Variants in ALKBH1 observed in about 807,000 individuals in gnomAD.
ALKBH1 encodes alkB homolog 1, histone H2A dioxygenase.
Under a neutral mutation model 36.6 loss-of-function variants are expected in ALKBH1, and 31 were observed. The ratio of observed to expected loss-of-function variants is 0.85; its 90% confidence interval spans 0.64 to 1.14. ALKBH1 has a LOEUF of 1.14. Ranked by LOEUF, ALKBH1 falls within the 50% of genes most tolerant of loss-of-function variation. The pLI, the probability that ALKBH1 is intolerant of heterozygous loss-of-function variation, is 0.00. For missense variants in ALKBH1, 490 were observed against 497.3 expected (o/e 0.99, Z 0.14); for synonymous variants, 183 against 186.6 (o/e 0.98, Z 0.16).
intron 3 of ALKBH1, among the ~76,000 whole-genome samples, chr14:77,690,965 C>T (rs1468989298): frequency 6.6e-6 from 1 of 152,118 alleles, no homozygotes; most frequent in Non-Finnish European, 1.5e-5. Flanking sequence ...CCATGCCCGG[C>T]TAATTTTGTA....
chr14:77,687,964 T>C (rs1364214453), intron 3 of ALKBH1, among the ~76,000 whole-genome samples: 2 of 152,178 alleles, frequency 1.3e-5, no homozygotes, highest in Non-Finnish European at 2.9e-5. Context: ...CTCAGTTCTG[T>C]ATTTCCAAAA....
At chr14:77,674,294 A>C in intron 5 of ALKBH1, 53 bp from the exon 6 acceptor site, 1 of 1,461,074 alleles carries the variant, frequency 6.8e-7, no homozygotes, top group Non-Finnish European at 9.0e-7. Context: ...AATTTTGTTT[A>C]TTAACTATGA....
chr14:77,690,040 A>C (rs1451021350), intron 3 of ALKBH1, among the ~76,000 whole-genome samples: 1 of 152,158 alleles, frequency 6.6e-6, no homozygotes, highest in African/African-American at 2.4e-5. Flanking sequence ...ATAAAGAATG[A>C]GGGGAAGTAG....
intron 3 of ALKBH1, among the ~76,000 whole-genome samples, chr14:77,692,817 TATTTA>T (rs966656327): frequency 6.6e-6 from 1 of 151,790 alleles, no homozygotes; most frequent in African/African-American, 2.4e-5. Flanking sequence ...TTTATTTATT[TATTTA>T]ATTTATTTAT....
intron 2 of ALKBH1, 75 bp downstream of exon 2, chr14:77,704,294 A>G: frequency 9.2e-7 from 1 of 1,088,312 alleles, no homozygotes; most frequent in South Asian, 1.3e-5. Context: ...TTGCTCACAC[A>G]CAGTACCTTC....
chr14:77,680,597 C>T (rs1266722147), intron 3 of ALKBH1, among the ~76,000 whole-genome samples: 1 of 151,714 alleles, frequency 6.6e-6, no homozygotes, highest in Non-Finnish European at 1.5e-5. Flanking sequence ...TTGTTCAAAC[C>T]ACAGGAGGTT....
At chr14:77,698,089 C>T (rs1402679365) in intron 2 of ALKBH1, among the ~76,000 whole-genome samples, 1 of 152,100 alleles carries the variant, frequency 6.6e-6, no homozygotes, top group Non-Finnish European at 1.5e-5. Context: ...AGTTAAACTC[C>T]TTTTTGTAAG....
chr14:77,705,500 T>C (rs990009675), intron 1 of ALKBH1, among the ~76,000 whole-genome samples: 2 of 151,992 alleles, frequency 1.3e-5, no homozygotes, highest in Admixed American at 6.6e-5. Flanking sequence ...GAATCCTGTC[T>C]GCTAAAAGTA....
At chr14:77,693,090 C>T (rs1024527453) in intron 3 of ALKBH1, among the ~76,000 whole-genome samples, 54 of 151,578 alleles carry the variant, frequency 3.6e-4, no homozygotes, top group Admixed American at 1.3e-4. Context: ...CCTGTAATCC[C>T]AGCTACTCTG....
At chr14:77,682,436 T>C (rs1483004308) in intron 3 of ALKBH1, among the ~76,000 whole-genome samples, 1 of 152,216 alleles carries the variant, frequency 6.6e-6, no homozygotes, top group Non-Finnish European at 1.5e-5. Context: ...ATAGAGGTGA[T>C]CCATTCTATT....
chr14:77,689,147 T>C (rs2080284664), intron 3 of ALKBH1, among the ~76,000 whole-genome samples: 1 of 152,234 alleles, frequency 6.6e-6, no homozygotes, highest in Admixed American at 6.5e-5. Context: ...TTTTCTCTAC[T>C]GAAATGCTCT....
intron 5 of ALKBH1, among the ~76,000 whole-genome samples, chr14:77,675,309 C>T (rs3783982): frequency 0.47 from 71,061 of 151,366 alleles, 16,914 homozygotes; most frequent in African/African-American, 0.5. Flanking sequence ...CGGTGTGCAC[C>T]TGTAGTTCCA....
intron 3 of ALKBH1, among the ~76,000 whole-genome samples, chr14:77,688,194 G>A (rs2080278501): frequency 6.6e-6 from 1 of 151,518 alleles, no homozygotes; most frequent in Admixed American, 6.6e-5. Context: ...AAGTTCTGTA[G>A]ACAACATCTT....
At chr14:77,685,975 T>G (rs903484228) in intron 3 of ALKBH1, among the ~76,000 whole-genome samples, 1 of 152,176 alleles carries the variant, frequency 6.6e-6, no homozygotes, top group African/African-American at 2.4e-5. Context: ...CCCATGTAAG[T>G]GCATTAGACC....
rs187976911 is a variant in ALKBH1, at chr14:77,680,740, C to T, written c.456-770G>A. ...TGTTGCCCAGGCTGGAGTGCAATGG[C>T]GCGATCTTGGCTCACCACAGCCTCC... On this transcript the variant is annotated intron_variant, in intron 3 of 5. Transcript: ENST00000216489. Among the ~76,000 whole-genome samples the T allele has an allele frequency of 5.7e-3, 817 of 142,444 alleles. 4 individuals carry two copies. Among genetic ancestry groups the T allele is most frequent in the Non-Finnish European group, 8.1e-3 (544 of 66,814 alleles). 93.4% of individuals were successfully genotyped at this position (142,444 alleles called of 152,430 possible).
chr14:77,692,430 T>C (rs1029129622), intron 3 of ALKBH1, among the ~76,000 whole-genome samples: 4 of 152,152 alleles, frequency 2.6e-5, no homozygotes, highest in Non-Finnish European at 4.4e-5. Context: ...AACTGTTCCA[T>C]CTCAGATGAA....
chr14:77,675,956 T>C (rs1019679913), intron 4 of ALKBH1, 107 bp from the exon 5 acceptor site: 7 of 902,798 alleles, frequency 7.8e-6, no homozygotes, highest in South Asian at 3.4e-5. Context: ...CAAAGTCATA[T>C]TAACATATTA....
intron 2 of ALKBH1, 30 bp downstream of exon 2, chr14:77,704,339 A>G: frequency 6.7e-7 from 1 of 1,482,444 alleles, no homozygotes; most frequent in Non-Finnish European, 9.4e-7. Flanking sequence ...ATTGAGTGAT[A>G]TTGCCTTCTC....
chr14:77,692,464 A>G (rs2080302512), intron 3 of ALKBH1, among the ~76,000 whole-genome samples: 2 of 152,218 alleles, frequency 1.3e-5, no homozygotes, highest in Non-Finnish European at 2.9e-5. Context: ...CTCAATAAGG[A>G]GTGCGCAACC....
Sources: allele counts gnomAD v4.1 joint callset (sites outside exome capture counted in the v4.1 genomes callset), GRCh38; gene constraint gnomAD v4.1.1; transcripts MANE v1.5; gene names NCBI Gene and HGNC (gene_info 2026-07-23, HGNC 2026-07-21).